Variants in RSRC1 observed in about 807,000 individuals in gnomAD.
RSRC1 encodes the protein serine/Arginine-related protein 53.
RSRC1 carries 39 observed loss-of-function variants against 49.1 expected under a neutral mutation model. That is an observed-to-expected ratio of 0.79 (90% CI 0.61 to 1.04). The LOEUF (loss-of-function observed/expected upper bound fraction) is 1.04. Ranked by LOEUF, RSRC1 falls within the 50% of genes least tolerant of loss-of-function variation. RSRC1 has a pLI of 0.00. For synonymous variants in RSRC1, 143 were observed against 130.8 expected (o/e 1.09, Z -0.63); for missense variants, 388 against 402.4 (o/e 0.96, Z 0.31).
At chr3:158,472,482 A>G (rs1380494463) in intron 7 of RSRC1, among the ~76,000 whole-genome samples, 3 of 152,100 alleles carry the variant, frequency 2.0e-5, no homozygotes, top group African/African-American at 7.2e-5. Context: ...TTCTGATCCT[A>G]TTGCATCTTC....
At chr3:158,473,279 A>T (rs1178133238) in intron 7 of RSRC1, among the ~76,000 whole-genome samples, 1 of 152,154 alleles carries the variant, frequency 6.6e-6, no homozygotes, top group Non-Finnish European at 1.5e-5. Context: ...TCCAACAATG[A>T]TAGACTGGAT....
At chr3:158,142,293 A>G (rs1609523) in intron 3 of RSRC1, among the ~76,000 whole-genome samples, 98,444 of 152,050 alleles carry the variant, frequency 0.65, 32,765 homozygotes, top group African/African-American at 0.79. Flanking sequence ...GACATTTCTC[A>G]TCATCTTCAT....
At chr3:158,357,757 T>C (rs1463653209) in intron 6 of RSRC1, among the ~76,000 whole-genome samples, 2 of 152,206 alleles carry the variant, frequency 1.3e-5, no homozygotes, top group Non-Finnish European at 2.9e-5. Context: ...GTACCCATTG[T>C]CACATTGGAG....
At chr3:158,146,376 A>C (rs1369785013) in intron 3 of RSRC1, among the ~76,000 whole-genome samples, 1 of 152,112 alleles carries the variant, frequency 6.6e-6, no homozygotes, top group Non-Finnish European at 1.5e-5. Context: ...TTCTGCATCT[A>C]TTGAGATAAT....
chr3:158,450,436 G>A (rs56254920), intron 6 of RSRC1, among the ~76,000 whole-genome samples: 10,906 of 150,868 alleles, frequency 0.072, 462 homozygotes, highest in South Asian at 0.13. Context: ...TACTATGGAC[G>A]CATATGGTGT....
At chr3:158,481,703 T>C (rs1738620170) in intron 7 of RSRC1, among the ~76,000 whole-genome samples, 1 of 152,020 alleles carries the variant, frequency 6.6e-6, no homozygotes, top group South Asian at 2.1e-4. Context: ...AAAAACCTAA[T>C]TGAGGTTATT....
intron 6 of RSRC1, among the ~76,000 whole-genome samples, chr3:158,375,096 T>G (rs908927154): frequency 1.3e-5 from 2 of 150,206 alleles, no homozygotes; most frequent in South Asian, 4.3e-4. Context: ...TAAATTATTG[T>G]CATTCTAACG....
intron 4 of RSRC1, among the ~76,000 whole-genome samples, chr3:158,293,452 A>G (rs1055596303): frequency 2.0e-5 from 3 of 151,928 alleles, no homozygotes; most frequent in Admixed American, 6.6e-5. Context: ...ATCATTTTGT[A>G]TTATGTGTCT....
At chr3:158,393,966 T>C (rs189159211) in intron 6 of RSRC1, among the ~76,000 whole-genome samples, 1 of 152,202 alleles carries the variant, frequency 6.6e-6, no homozygotes. Flanking sequence ...TAAAATCAAG[T>C]AGGCTTTATC....
chr3:158,485,419 G>A (rs901865600), intron 7 of RSRC1, among the ~76,000 whole-genome samples: 1 of 151,824 alleles, frequency 6.6e-6, no homozygotes. Context: ...CTAACACAAA[G>A]GATATAAAAT....
intron 3 of RSRC1, among the ~76,000 whole-genome samples, chr3:158,174,838 G>T (rs556737381): frequency 5.5e-4 from 83 of 151,962 alleles, no homozygotes; most frequent in Non-Finnish European, 9.7e-4. Context: ...TCCTTTGCCT[G>T]TGCATTCATT....
chr3:158,489,782 G>GT (rs1274092321), intron 7 of RSRC1, among the ~76,000 whole-genome samples: 1 of 151,966 alleles, frequency 6.6e-6, no homozygotes, highest in Non-Finnish European at 1.5e-5. Context: ...AGCTTTTTTA[G>GT]TATCATTTCT....
intron 6 of RSRC1, among the ~76,000 whole-genome samples, chr3:158,395,474 A>C (rs1733561518): frequency 2.6e-5 from 4 of 152,132 alleles, no homozygotes; most frequent in African/African-American, 9.7e-5. Context: ...GTACTTAAAC[A>C]AATTAACAAG....
intron 5 of RSRC1, among the ~76,000 whole-genome samples, chr3:158,329,774 C>T (rs548494234): frequency 6.9e-4 from 105 of 152,308 alleles, no homozygotes; most frequent in African/African-American, 2.5e-3. Context: ...CAGACAGGGA[C>T]GTTTAACTCT....
intron 3 of RSRC1, among the ~76,000 whole-genome samples, chr3:158,144,515 T>G (rs1490290376): frequency 6.6e-6 from 1 of 152,334 alleles, no homozygotes; most frequent in Non-Finnish European, 1.5e-5. Context: ...GTGCCACGTT[T>G]TCTTAATCCA....
intron 4 of RSRC1, among the ~76,000 whole-genome samples, chr3:158,235,057 G>A (rs1002385990): frequency 2.6e-5 from 4 of 152,072 alleles, no homozygotes; most frequent in African/African-American, 7.2e-5. Flanking sequence ...GTGATGTTGG[G>A]GGAATTATGT....
At chr3:158,537,027 G>C in intron 7 of RSRC1, 65 bp from the exon 8 acceptor site, 1 of 921,314 alleles carries the variant, frequency 1.1e-6, no homozygotes, top group Non-Finnish European at 1.8e-6. Context: ...AAAGAACATT[G>C]CTTAGGTGTA....
intron 6 of RSRC1, among the ~76,000 whole-genome samples, chr3:158,405,262 C>T (rs1207830251): frequency 6.6e-6 from 1 of 151,774 alleles, no homozygotes; most frequent in Non-Finnish European, 1.5e-5. Flanking sequence ...CAACAAAATG[C>T]ACACAAATGT....
intron 7 of RSRC1, among the ~76,000 whole-genome samples, chr3:158,510,810 ACTTGATTTTTCTT>A (rs1321697770): frequency 2.0e-5 from 3 of 152,194 alleles, no homozygotes; most frequent in Middle Eastern, 3.4e-3. Context: ...CAAATCCCAC[ACTTGATTTTTCTT>A]CTATGAATAA....
Sources: allele counts gnomAD v4.1 joint callset (sites outside exome capture counted in the v4.1 genomes callset), GRCh38; gene constraint gnomAD v4.1.1; transcripts MANE v1.5; gene names NCBI Gene and HGNC (gene_info 2026-07-23, HGNC 2026-07-21).